DDR2: variants seen among roughly 807,000 people sequenced by gnomAD.
DDR2 encodes the protein discoidin domain-containing receptor 2.
In DDR2, 27 loss-of-function variants were observed where a neutral mutation model predicts 94.9. The observed-to-expected ratio is 0.28, with a 90% CI of 0.21 to 0.39. DDR2 has a LOEUF of 0.39. Ranked by LOEUF, DDR2 falls within the 10% of genes least tolerant of loss-of-function variation. The probability of loss-of-function intolerance (pLI) is 1.00; values close to 1 mark genes in which losing one functional copy is unlikely to be tolerated. For synonymous variants in DDR2, 382 were observed against 377.2 expected, an observed-to-expected ratio of 1.01 and a Z score of -0.15; for missense variants, 783 against 1,076.0, an observed-to-expected ratio of 0.73 and a Z score of 3.81.
intron 13 of DDR2, 195 bp downstream of exon 13, chr1:162,772,442 T>A (rs1647277407): frequency 3.1e-6 from 2 of 637,014 alleles, no homozygotes; most frequent in Non-Finnish European, 5.5e-6. Flanking sequence ...TTCCTGGGAC[T>A]TCTGATTTCT....
At chr1:162,713,506 A>G (rs1297809906) in intron 2 of DDR2, among the ~76,000 whole-genome samples, 3 of 152,310 alleles carry the variant, frequency 2.0e-5, no homozygotes, top group Admixed American at 1.3e-4. Context: ...CTTGGAGGGA[A>G]CCACTGCTGT....
intron 2 of DDR2, among the ~76,000 whole-genome samples, chr1:162,665,440 C>T (rs558974089): frequency 1.3e-5 from 2 of 152,226 alleles, no homozygotes; most frequent in Non-Finnish European, 2.9e-5. Flanking sequence ...GTCTCAGGTT[C>T]CCACTGCATC....
At chr1:162,696,934 A>G (rs1394406649) in intron 2 of DDR2, among the ~76,000 whole-genome samples, 1 of 152,084 alleles carries the variant, frequency 6.6e-6, no homozygotes, top group Non-Finnish European at 1.5e-5. Flanking sequence ...TTAGCTGCCC[A>G]GAGTCCACTT....
chr1:162,687,340 G>C (rs933991480), intron 2 of DDR2, among the ~76,000 whole-genome samples: 18 of 152,168 alleles, frequency 1.2e-4, no homozygotes, highest in Non-Finnish European at 1.5e-5. Context: ...GCCATAAAAC[G>C]GCCCCACTGC....
chr1:162,761,355 G>A lies in DDR2; in HGVS notation c.1000G>A (p.Val334Ile). The A allele has an allele frequency of 6.2e-7, 1 of 1,614,168 alleles. No homozygotes were observed. The highest frequency in any genetic ancestry group is 8.5e-7 in the Non-Finnish European group (1 of 1,180,030). ...TGACGTCAACCCCAGTGCTCGGTTT[G>A]TCACGGTGCCTCTCCACCACCGAAT... ...LDDVNPSARF[V>I]TVPLHHRMAS... is the part of the protein sequence containing the mutation. Residue 334 changes from valine (V) to isoleucine (I), a missense_variant, in exon 9 of 18, where the codon GTC becomes ATC. This residue lies in a region of DDR2 where 519 missense variants were observed against 647.9 expected (regional missense o/e 0.80). Transcript: ENST00000367921.
chr1:162,718,065 A>T (rs1661248860), intron 2 of DDR2, among the ~76,000 whole-genome samples: 1 of 152,202 alleles, frequency 6.6e-6, no homozygotes, highest in South Asian at 2.1e-4. Flanking sequence ...TTCAATCATT[A>T]ATTTATAGCA....
At chr1:162,651,770 A>G (rs1315652136) in intron 1 of DDR2, among the ~76,000 whole-genome samples, 2 of 152,246 alleles carry the variant, frequency 1.3e-5, no homozygotes, top group African/African-American at 4.8e-5. Flanking sequence ...AATTTAAGTA[A>G]AATAAATAAT....
In DDR2 at chr1:162,772,133, C is replaced by T. The variant is rs2102186165; in HGVS notation, c.1614C>T (p.Tyr538=). 1 of 1,614,222 alleles carries T rather than the reference C, an allele frequency of 6.2e-7. No individual in the cohort carries two copies. The highest frequency in any genetic ancestry group is 8.5e-7 in the Non-Finnish European group (1 of 1,180,042). ...NLQGVTGGNT[Y]SVPAVTMDLL... ...AAGGAGTGACAGGAGGCAACACATACTCAGTGCCTGCCGTCACCATGGACC... is the reference window on the plus strand; with the variant it reads ...AAGGAGTGACAGGAGGCAACACATATTCAGTGCCTGCCGTCACCATGGACC... Residue 538 remains tyrosine (Y), a synonymous_variant, in exon 13 of 18, where the codon TAC becomes TAT. Transcript: ENST00000367921.
At chr1:162,687,993 C>T (rs972562758) in intron 2 of DDR2, among the ~76,000 whole-genome samples, 1 of 152,136 alleles carries the variant, frequency 6.6e-6, no homozygotes, top group Non-Finnish European at 1.5e-5. Flanking sequence ...TAAAAGTTTC[C>T]AGGCTGACTC....
chr1:162,633,823 C>G (rs1656678520), intron 1 of DDR2, among the ~76,000 whole-genome samples: 1 of 152,188 alleles, frequency 6.6e-6, no homozygotes, highest in Non-Finnish European at 1.5e-5. Context: ...TGAGTATTTT[C>G]TATGCAGCAG....
intron 2 of DDR2, among the ~76,000 whole-genome samples, chr1:162,673,770 G>A (rs1478967879): frequency 1.3e-5 from 2 of 150,110 alleles, no homozygotes; most frequent in Admixed American, 6.6e-5. Context: ...AAAAACCGAC[G>A]AGTTCCAGCA....
chr1:162,724,215 A>G (rs1032674076), intron 3 of DDR2, among the ~76,000 whole-genome samples: 5 of 152,322 alleles, frequency 3.3e-5, no homozygotes, highest in African/African-American at 7.2e-5. Context: ...TCCCAATCCC[A>G]GGTGACTTCT....
At chr1:162,634,631 C>G (rs1656726680) in intron 1 of DDR2, among the ~76,000 whole-genome samples, 2 of 152,160 alleles carry the variant, frequency 1.3e-5, no homozygotes, top group Admixed American at 1.3e-4. Context: ...AGGCCTTCCT[C>G]CCTCCCGGGG....
At chr1:162,696,705 C>G (rs920182758) in intron 2 of DDR2, among the ~76,000 whole-genome samples, 5 of 152,116 alleles carry the variant, frequency 3.3e-5, no homozygotes, top group Non-Finnish European at 7.4e-5. Context: ...AAACCAGAGG[C>G]CCCTTTCCTC....
intron 1 of DDR2, among the ~76,000 whole-genome samples, chr1:162,648,822 A>G (rs1465653530): frequency 6.6e-6 from 1 of 152,156 alleles, no homozygotes; most frequent in Non-Finnish European, 1.5e-5. Flanking sequence ...TATGAGAACA[A>G]AAACACTCAT....
At chr1:162,742,869 G>A (rs911952001) in intron 3 of DDR2, among the ~76,000 whole-genome samples, 3 of 152,168 alleles carry the variant, frequency 2.0e-5, no homozygotes, top group Non-Finnish European at 4.4e-5. Context: ...AGAAGCAAAA[G>A]CAGAAACCCC....
intron 2 of DDR2, among the ~76,000 whole-genome samples, chr1:162,669,440 T>A (rs1392448490): frequency 1.3e-5 from 2 of 152,132 alleles, no homozygotes; most frequent in Admixed American, 6.5e-5. Context: ...GGGAAACAAA[T>A]CTATTTTCTC....
intron 2 of DDR2, among the ~76,000 whole-genome samples, chr1:162,685,180 C>G (rs1348683941): frequency 6.6e-6 from 1 of 152,112 alleles, no homozygotes; most frequent in Non-Finnish European, 1.5e-5. Flanking sequence ...TATACAATAT[C>G]TATCTCACAG....
intron 7 of DDR2, among the ~76,000 whole-genome samples, chr1:162,759,418 G>C (rs1463650657): frequency 6.6e-6 from 1 of 152,092 alleles, no homozygotes; most frequent in African/African-American, 2.4e-5. Flanking sequence ...TTTACTCTAT[G>C]AATTAGTTCA....
Sources: gnomAD v4.1 joint callset for allele counts (sites outside exome capture counted in the v4.1 genomes callset) on GRCh38, gnomAD v4.1.1 for gene constraint, gnomAD v4.1.1 regional missense constraint, MANE v1.5 for transcripts, NCBI Gene and HGNC (gene_info 2026-07-23, HGNC 2026-07-21) for gene names.